Variants in TRPM1 observed in about 807,000 individuals in gnomAD.
The protein encoded by TRPM1 is transient receptor potential cation channel subfamily M member 1, also known as TRPM1-203 APA Isoform, Intron 10.
In TRPM1, 113 loss-of-function variants were observed where a neutral mutation model predicts 149.4. That is an observed-to-expected ratio of 0.76 (90% CI 0.65 to 0.88). The LOEUF (loss-of-function observed/expected upper bound fraction) is 0.88. TRPM1 is among the 40% of genes least tolerant of loss of function. The pLI is 0.00. For missense variants in TRPM1, 1,976 were observed against 2,038.7 expected, an observed-to-expected ratio of 0.97 and a Z score of 0.59; for synonymous variants, 741 against 759.5, an observed-to-expected ratio of 0.98 and a Z score of 0.40.
At chr15:31,054,294 GTTTA>G (rs2034026650) in intron 11 of TRPM1, among the ~76,000 whole-genome samples, 1 of 151,698 alleles carries the variant, frequency 6.6e-6, no homozygotes, top group Non-Finnish European at 1.5e-5. Flanking sequence ...TTGTTTGTTT[GTTTA>G]TTTGTTTGTT....
chr15:31,064,718 T>A (rs1331513998), intron 7 of TRPM1, among the ~76,000 whole-genome samples: 1 of 151,876 alleles, frequency 6.6e-6, no homozygotes, highest in Admixed American at 6.6e-5. Flanking sequence ...CATTTCAGAG[T>A]TTCTAATTTG....
At chr15:31,131,471 G>A (rs921277810) in intron 1 of TRPM1, among the ~76,000 whole-genome samples, 2 of 152,158 alleles carry the variant, frequency 1.3e-5, no homozygotes, top group Admixed American at 6.5e-5. Flanking sequence ...TTTTGCTGTC[G>A]CACTTCAAAC....
intron 1 of TRPM1, among the ~76,000 whole-genome samples, chr15:31,136,550 C>T (rs1018091287): frequency 1.3e-5 from 2 of 152,176 alleles, no homozygotes; most frequent in Admixed American, 1.3e-4. Flanking sequence ...ACAATGTTGC[C>T]ATTGTGGGGG....
At chr15:31,118,151 G>A (rs1320407227) in intron 1 of TRPM1, among the ~76,000 whole-genome samples, 6 of 151,952 alleles carry the variant, frequency 3.9e-5, no homozygotes, top group Non-Finnish European at 8.8e-5. Context: ...CTCACTACTC[G>A]GGCAGCTGAG....
chr15:31,137,296 G>A (rs2036102127), intron 1 of TRPM1, among the ~76,000 whole-genome samples: 1 of 152,158 alleles, frequency 6.6e-6, no homozygotes, highest in Admixed American at 6.5e-5. Flanking sequence ...ATACCCAAGA[G>A]CCAACATAAA....
At chr15:31,066,403 A>G (rs1037944499) in intron 6 of TRPM1, among the ~76,000 whole-genome samples, 156 bp from the exon 7 acceptor site, 1 of 152,268 alleles carries the variant, frequency 6.6e-6, no homozygotes, top group African/African-American at 2.4e-5. Context: ...GCCAATTGTT[A>G]CATTAAAATA....
chr15:31,027,139 AC>A (rs772426810), intron 25 of TRPM1, 22 bp from the exon 26 acceptor site: 1 of 1,607,620 alleles, frequency 6.2e-7, no homozygotes, highest in South Asian at 1.1e-5. Flanking sequence ...AGACATTTTT[AC>A]AGTTAGTTAT....
chr15:31,022,822 C>T (rs2032594041), intron 27 of TRPM1, among the ~76,000 whole-genome samples: 1 of 152,162 alleles, frequency 6.6e-6, no homozygotes, highest in Admixed American at 6.5e-5. Context: ...TGAGACCTGC[C>T]TGGGCAACAC....
chr15:31,088,624 C>G (rs762960310), intron 1 of TRPM1, among the ~76,000 whole-genome samples: 2 of 152,206 alleles, frequency 1.3e-5, no homozygotes, highest in South Asian at 2.1e-4. Context: ...TAGGAAACAT[C>G]TGAAGGAACA....
At chr15:31,115,272 T>C (rs903210520) in intron 1 of TRPM1, among the ~76,000 whole-genome samples, 7 of 151,500 alleles carry the variant, frequency 4.6e-5, no homozygotes, top group African/African-American at 1.7e-4. Context: ...ATAATAATAA[T>C]AGATAAGTAA....
chr15:31,098,746 C>T (rs150544456), intron 1 of TRPM1, among the ~76,000 whole-genome samples: 6 of 152,072 alleles, frequency 3.9e-5, no homozygotes, highest in Non-Finnish European at 7.4e-5. Context: ...AGGCATTACC[C>T]ACCCTGGGGG....
intron 27 of TRPM1, 69 bp downstream of exon 27, chr15:31,026,070 C>G: frequency 1.3e-6 from 2 of 1,593,798 alleles, no homozygotes; most frequent in South Asian, 2.2e-5. Flanking sequence ...CTGGCATCCC[C>G]CATAGAGTGG....
At chr15:31,130,351 C>G (rs982444687) in intron 1 of TRPM1, among the ~76,000 whole-genome samples, 1 of 152,340 alleles carries the variant, frequency 6.6e-6, no homozygotes, top group Middle Eastern at 3.4e-3. Flanking sequence ...CTTCTAACCT[C>G]CAAACTGTCC....
chr15:31,113,905 G>A (rs2035760094), intron 1 of TRPM1, among the ~76,000 whole-genome samples: 1 of 152,102 alleles, frequency 6.6e-6, no homozygotes, highest in African/African-American at 2.4e-5. Flanking sequence ...CTAACGGGTG[G>A]GCAGCTTTTA....
At chr15:31,127,922 G>A (rs962194016) in intron 1 of TRPM1, among the ~76,000 whole-genome samples, 5 of 152,180 alleles carry the variant, frequency 3.3e-5, no homozygotes, top group East Asian at 3.9e-4. Context: ...TAGCTCGTGG[G>A]GTCTGTGCCT....
chr15:31,095,339 G>A (rs1425249460), intron 1 of TRPM1, among the ~76,000 whole-genome samples: 1 of 152,124 alleles, frequency 6.6e-6, no homozygotes, highest in East Asian at 1.9e-4. Flanking sequence ...CACTGAATTG[G>A]TCACTTGAAA....
intron 1 of TRPM1, among the ~76,000 whole-genome samples, chr15:31,092,394 G>A (rs1420016596): frequency 7.9e-5 from 12 of 152,136 alleles, no homozygotes; most frequent in Non-Finnish European, 1.0e-4. Flanking sequence ...TCTGGGAGGC[G>A]AGTGGCACCA....
chr15:31,072,658 T>C lies in TRPM1; in HGVS notation c.84-2432A>G, dbSNP rs571233868. 3.3e-5 allele frequency among the ~76,000 whole-genome samples: 5 copies of C among 152,310 alleles called. No homozygotes were observed. In the South Asian group the frequency reaches 6.2e-4, roughly 19 times the overall value. On this transcript the variant is annotated intron_variant, in intron 3 of 27. Coordinates refer to ENST00000256552, the MANE Select transcript of TRPM1 (RefSeq NM_001252024.2). ...TTCCACCAGCAGTGTCTGAGGGTTC[T>C]GATTTCTCCATATCCTCTCCCACAC...
chr15:31,078,216 C>A (rs1292246561), intron 2 of TRPM1, among the ~76,000 whole-genome samples: 1 of 152,122 alleles, frequency 6.6e-6, no homozygotes, highest in Admixed American at 6.5e-5. Flanking sequence ...TCCCCATTTA[C>A]CTAAGCAGCA....
Sources: allele counts gnomAD v4.1 joint callset (sites outside exome capture counted in the v4.1 genomes callset), GRCh38; gene constraint gnomAD v4.1.1; transcripts MANE v1.5; gene names NCBI Gene and HGNC (gene_info 2026-07-23, HGNC 2026-07-21).